CACNA1D: variants seen among roughly 807,000 people sequenced by gnomAD.
The protein encoded by CACNA1D is calcium voltage-gated channel subunit alpha1 D.
Under a neutral mutation model 257.1 loss-of-function variants are expected in CACNA1D, and 55 were observed. The ratio of observed to expected loss-of-function variants is 0.21; its 90% confidence interval spans 0.17 to 0.27. The LOEUF is 0.27. CACNA1D is among the 10% of genes least tolerant of loss of function. The pLI is 1.00. For synonymous variants in CACNA1D, 980 were observed against 1,014.9 expected, an observed-to-expected ratio of 0.97 and a Z score of 0.65; for missense variants, 1,876 against 2,784.0, an observed-to-expected ratio of 0.67 and a Z score of 7.34.
At chr3:53,520,732 C>CTCCA (rs2091521601) in intron 3 of CACNA1D, among the ~76,000 whole-genome samples, 1 of 151,438 alleles carries the variant, frequency 6.6e-6, no homozygotes, top group Non-Finnish European at 1.5e-5. Context: ...TGCCACTGCA[C>CTCCA]TCCAGCCTGG....
At chr3:53,576,587 C>T (rs1292214575) in intron 3 of CACNA1D, among the ~76,000 whole-genome samples, 1 of 152,196 alleles carries the variant, frequency 6.6e-6, no homozygotes, top group Non-Finnish European at 1.5e-5. Flanking sequence ...ATAACCCTTC[C>T]AGCCATCACC....
intron 8 of CACNA1D, among the ~76,000 whole-genome samples, chr3:53,685,563 A>T (rs2094466966): frequency 6.6e-6 from 1 of 152,158 alleles, no homozygotes; most frequent in Non-Finnish European, 1.5e-5. Context: ...ACCGACATAG[A>T]CCATATCTTG....
At chr3:53,784,800 G>T (rs2095444080) in intron 39 of CACNA1D, among the ~76,000 whole-genome samples, 2 of 152,194 alleles carry the variant, frequency 1.3e-5, no homozygotes, top group Admixed American at 6.5e-5. Context: ...CTGGGAAAGG[G>T]ATACACTTGC....
rs112582046 is a variant in CACNA1D at position 53,598,477 on chromosome 3, C to T, written c.484-52302C>T. ...GCTCATGCCTGAAATCCCAGCTACT[C>T]GGGAGGCTGAGGCAGGAGAATCGCT... On this transcript the variant is annotated intron_variant, in intron 3 of 47. Transcript: ENST00000350061. Among the ~76,000 whole-genome samples the T allele has an allele frequency of 9.8e-3, 1,478 of 151,098 alleles. 29 individuals carry two copies. Among genetic ancestry groups the T allele is most frequent in the African/African-American group, 0.034 (1,403 of 41,182 alleles).
rs773813678 is a variant in CACNA1D at position 53,718,770 on chromosome 3, G to A, written c.1478+382G>A. On this transcript the variant is annotated intron_variant, in intron 10 of 47. Coordinates refer to ENST00000350061, the MANE Select transcript of CACNA1D (RefSeq NM_001128840.3). ...AAGGCCTGATTCTCCTTCCAGCCTGGGTTTGGCATTTGTGCTTTTGAAGAA... is the reference window on the plus strand; with the variant it reads ...AAGGCCTGATTCTCCTTCCAGCCTGAGTTTGGCATTTGTGCTTTTGAAGAA... 11 of 1,538,184 alleles carry A rather than the reference G, an allele frequency of 7.2e-6. No homozygotes were observed. In the South Asian group the frequency reaches 8.3e-5, roughly 12 times the overall value.
intron 3 of CACNA1D, among the ~76,000 whole-genome samples, chr3:53,601,891 A>G (rs2093447605): frequency 6.6e-6 from 1 of 152,024 alleles, no homozygotes; most frequent in African/African-American, 2.4e-5. Flanking sequence ...TTGTATTTTT[A>G]GTAGGGACGG....
intron 3 of CACNA1D, among the ~76,000 whole-genome samples, chr3:53,589,918 A>G (rs1346572480): frequency 6.6e-6 from 1 of 152,010 alleles, no homozygotes; most frequent in Non-Finnish European, 1.5e-5. Context: ...TGAACCTCTA[A>G]CTTAGTGTGC....
chr3:53,808,683 G>A lies in CACNA1D; in HGVS notation c.5784G>A (p.Leu1928=), dbSNP rs1200288748. The A allele has an allele frequency of 3.1e-6, 5 of 1,609,340 alleles. No individual in the cohort carries two copies. Among genetic ancestry groups the A allele is most frequent in the Admixed American group, 1.7e-5 (1 of 60,010 alleles). ...GATCCTCCTTCAACTTTGAGTGCCT[G>A]CGCCGGCAGAGCAGCCAGGAAGAGG... is the stretch of plus-strand genomic sequence containing the variant. ...HRRSSFNFEC[L]RRQSSQEEVP... is the part of the protein sequence containing the mutation. Residue 1928 remains leucine, a synonymous_variant, in exon 46 of 48, where the codon CTG becomes CTA. Transcript: ENST00000350061.
At chr3:53,804,727 A>G (rs1037190763) in intron 44 of CACNA1D, among the ~76,000 whole-genome samples, 1 of 152,170 alleles carries the variant, frequency 6.6e-6, no homozygotes, top group Non-Finnish European at 1.5e-5. Context: ...GGCTCACAGG[A>G]CATCTGCGAT....
At chr3:53,775,514 A>G (rs747553071) in intron 34 of CACNA1D, among the ~76,000 whole-genome samples, 1 of 152,100 alleles carries the variant, frequency 6.6e-6, no homozygotes, top group Non-Finnish European at 1.5e-5. Flanking sequence ...AGCCAAGATC[A>G]CACCACTGCA....
At chr3:53,553,250 G>A (rs3821847) in intron 3 of CACNA1D, among the ~76,000 whole-genome samples, 24,862 of 152,242 alleles carry the variant, frequency 0.16, 2,517 homozygotes, top group Non-Finnish European at 0.24. Context: ...CCTAATTTCC[G>A]TGACTAATGA....
intron 15 of CACNA1D, among the ~76,000 whole-genome samples, chr3:53,730,011 T>TC (rs1357986669): frequency 6.6e-6 from 1 of 152,130 alleles, no homozygotes; most frequent in Non-Finnish European, 1.5e-5. Context: ...TGGAAAGCAC[T>TC]CCCCTGAATA....
At chr3:53,712,483 C>T (rs1329379007) in intron 9 of CACNA1D, among the ~76,000 whole-genome samples, 2 of 152,228 alleles carry the variant, frequency 1.3e-5, no homozygotes, top group East Asian at 3.8e-4. Context: ...TTCTTTACAG[C>T]AGCAAGAGGC....
At chr3:53,556,725 AT>A (rs1034655170) in intron 3 of CACNA1D, among the ~76,000 whole-genome samples, 28 of 139,472 alleles carry the variant, frequency 2.0e-4, no homozygotes, top group South Asian at 1.9e-3. Context: ...TTTTTTTTTA[AT>A]TTTTTTTTGA....
Position 53,776,709 on chromosome 3 carries a change from C to T in CACNA1D, c.4469C>T (p.Ser1490Leu). 6.2e-7 allele frequency: 1 copy of T among 1,614,150 alleles called. No individual in the cohort carries two copies. The highest frequency in any genetic ancestry group is 2.2e-5 in the East Asian group (1 of 44,880). The change falls in exon 36 of 48, where the codon TCA (serine) becomes TTA (leucine). Residue 1490 changes from serine to leucine, a missense_variant. Transcript: ENST00000350061. ...TTAGATGAATTCAAAAGAATATGGT[C>T]AGAATATGACCCTGAGGCAAAGTAG... ...HHLDEFKRIWSEYDPEAKGRI... is the reference protein window; with the variant it reads ...HHLDEFKRIWLEYDPEAKGRI...
chr3:53,686,788 A>G (rs915026903), intron 8 of CACNA1D, among the ~76,000 whole-genome samples: 7 of 152,056 alleles, frequency 4.6e-5, no homozygotes, highest in African/African-American at 7.2e-5. Flanking sequence ...TCAATGTTTT[A>G]TTGAAAGTCT....
chr3:53,754,604 C>G (rs2095250883), intron 29 of CACNA1D, among the ~76,000 whole-genome samples: 1 of 152,206 alleles, frequency 6.6e-6, no homozygotes, highest in African/African-American at 2.4e-5. Flanking sequence ...CACCACCACC[C>G]TCATCATCAT....
At chr3:53,563,885 A>G (rs2092785860) in intron 3 of CACNA1D, among the ~76,000 whole-genome samples, 1 of 152,118 alleles carries the variant, frequency 6.6e-6, no homozygotes, top group African/African-American at 2.4e-5. Context: ...TGTGCTAAGG[A>G]TTATGTAGGC....
At chr3:53,712,994 C>G (rs1182566375) in intron 9 of CACNA1D, among the ~76,000 whole-genome samples, 1 of 152,208 alleles carries the variant, frequency 6.6e-6, no homozygotes, top group Non-Finnish European at 1.5e-5. Flanking sequence ...TGGGGAGCTA[C>G]TGCTTCCTGT....
Sources: gnomAD v4.1 joint callset for allele counts (sites outside exome capture counted in the v4.1 genomes callset) on GRCh38, gnomAD v4.1.1 for gene constraint, MANE v1.5 for transcripts, NCBI Gene and HGNC (gene_info 2026-07-23, HGNC 2026-07-21) for gene names.